EBF1: variants seen among roughly 807,000 people sequenced by gnomAD.
EBF1 encodes transcription factor COE1.
A neutral mutation model predicts 68.4 loss-of-function variants in EBF1; 10 were observed. The observed-to-expected ratio is 0.15, with a 90% CI of 0.09 to 0.25. The LOEUF is 0.25. Among genes scored for constraint, EBF1 ranks in the 10% least tolerant of loss-of-function variants. The pLI, the probability that EBF1 is intolerant of heterozygous loss-of-function variation, is 1.00. For synonymous variants in EBF1, 298 were observed against 299.8 expected (o/e 0.99, Z 0.06); for missense variants, 509 against 794.4 (o/e 0.64, Z 4.32).
At chr5:158,850,038 G>A (rs534825105) in intron 6 of EBF1, among the ~76,000 whole-genome samples, 88 of 152,250 alleles carry the variant, frequency 5.8e-4, no homozygotes, top group African/African-American at 1.9e-3. Flanking sequence ...AGTATCAACT[G>A]GGAAGGCTCC....
intron 6 of EBF1, among the ~76,000 whole-genome samples, chr5:158,875,483 A>G (rs1797661726): frequency 6.6e-6 from 1 of 152,214 alleles, no homozygotes; most frequent in South Asian, 2.1e-4. Context: ...TTAGTCCTTG[A>G]GGAATACCTG....
chr5:158,759,945 C>A, intron 10 of EBF1, among the ~76,000 whole-genome samples: 1 of 132,748 alleles, frequency 7.5e-6, no homozygotes, highest in East Asian at 2.3e-4. Context: ...AATAATGTGA[C>A]AACAAAATAT....
At chr5:158,951,666 G>T (rs1168169028) in intron 6 of EBF1, among the ~76,000 whole-genome samples, 2 of 152,208 alleles carry the variant, frequency 1.3e-5, no homozygotes, top group Non-Finnish European at 1.5e-5. Context: ...CTGCCACACA[G>T]CTCACTGCCT....
At chr5:158,788,070 T>G (rs1777818959) in intron 9 of EBF1, among the ~76,000 whole-genome samples, 1 of 152,148 alleles carries the variant, frequency 6.6e-6, no homozygotes, top group Non-Finnish European at 1.5e-5. Context: ...TCAACAAATT[T>G]TCACTAATGC....
intron 8 of EBF1, among the ~76,000 whole-genome samples, chr5:158,816,036 C>T (rs914776890): frequency 2.6e-5 from 4 of 152,150 alleles, no homozygotes; most frequent in African/African-American, 9.7e-5. Context: ...TTGTAACATG[C>T]CACCCTCAGT....
intron 6 of EBF1, among the ~76,000 whole-genome samples, chr5:159,026,510 C>T (rs983489659): frequency 6.6e-6 from 1 of 152,078 alleles, no homozygotes; most frequent in African/African-American, 2.4e-5. Flanking sequence ...ATTAGCAATG[C>T]TGGGAAAACT....
At chr5:159,084,040 T>C (rs887663079) in intron 5 of EBF1, among the ~76,000 whole-genome samples, 1 of 152,156 alleles carries the variant, frequency 6.6e-6, no homozygotes, top group Non-Finnish European at 1.5e-5. Flanking sequence ...CATCTATGGG[T>C]CACATGAATT....
chr5:158,763,717 T>C (rs952989928), intron 10 of EBF1, among the ~76,000 whole-genome samples: 3 of 152,206 alleles, frequency 2.0e-5, no homozygotes, highest in Admixed American at 1.3e-4. Context: ...TGTTTGTTGA[T>C]TGATTTTCAT....
rs1397869559 is a variant in EBF1, at chr5:159,008,683, G to A, written c.554+64713C>T. 3.3e-5 allele frequency among the ~76,000 whole-genome samples: 5 copies of A among 151,758 alleles called. No individual in the cohort carries two copies. In the East Asian group the frequency reaches 5.8e-4, roughly 18 times the overall value. ...TGGGATTCTAGGTATGCACCACCACGCCCGGCTAATTTTTTTGTTGTTGTT... is the reference window on the plus strand; with the variant it reads ...TGGGATTCTAGGTATGCACCACCACACCCGGCTAATTTTTTTGTTGTTGTT... On this transcript the variant is annotated intron_variant, in intron 6 of 15. Coordinates refer to ENST00000313708, the MANE Select transcript of EBF1 (RefSeq NM_024007.5).
At chr5:158,746,796 G>A (rs1767685515) in intron 10 of EBF1, among the ~76,000 whole-genome samples, 1 of 152,158 alleles carries the variant, frequency 6.6e-6, no homozygotes, top group Non-Finnish European at 1.5e-5. Flanking sequence ...TATTGTTGCT[G>A]GCTTTTTCAG....
rs1783183349 is a variant in EBF1, at chr5:158,813,907, T to C, written c.778+9269A>G. 2.0e-5 allele frequency among the ~76,000 whole-genome samples: 3 copies of C among 152,328 alleles called. No homozygotes were observed. In the East Asian group the frequency reaches 5.8e-4, roughly 29 times the overall value. On this transcript the variant is annotated intron_variant, in intron 8 of 15. Coordinates refer to ENST00000313708, the MANE Select transcript of EBF1 (RefSeq NM_024007.5). ...AGCTTCCACTTGCCCATAAACATCA[T>C]TTGAAGCCTCTGAAATTCTCAAGTG... is the stretch of plus-strand genomic sequence containing the variant.
chr5:158,819,097 A>G (rs1784323564), intron 8 of EBF1, among the ~76,000 whole-genome samples: 1 of 152,202 alleles, frequency 6.6e-6, no homozygotes, highest in Non-Finnish European at 1.5e-5. Context: ...GAAGGGAAAG[A>G]AAAAGAAGAG....
rs527534362 is a variant in EBF1 at position 159,084,293 on chromosome 5, C to G, written c.485+373G>C. 5.9e-5 allele frequency among the ~76,000 whole-genome samples: 9 copies of G among 152,242 alleles called. No individual in the cohort carries two copies. The East Asian group carries it at 1.7e-3, about 29-fold the overall frequency. On this transcript the variant is annotated intron_variant, in intron 5 of 15. Transcript: ENST00000313708. ...AGTCTTACCCAAACAGAAGACTCTG[C>G]TGACATCAATAGAACTCTTACTCAT... is the stretch of plus-strand genomic sequence containing the variant.
At chr5:158,912,371 A>G (rs1166631484) in intron 6 of EBF1, among the ~76,000 whole-genome samples, 1 of 152,240 alleles carries the variant, frequency 6.6e-6, no homozygotes, top group Non-Finnish European at 1.5e-5. Flanking sequence ...GCATAGGTGC[A>G]GTCTTGAACT....
intron 6 of EBF1, among the ~76,000 whole-genome samples, chr5:158,869,767 C>CACTG (rs1796562042): frequency 6.6e-6 from 1 of 152,150 alleles, no homozygotes; most frequent in Non-Finnish European, 1.5e-5. Context: ...ATCTTGTGAA[C>CACTG]ACTGGAAAGA....
At chr5:158,819,139 T>TA (rs968466740) in intron 8 of EBF1, among the ~76,000 whole-genome samples, 13 of 151,968 alleles carry the variant, frequency 8.6e-5, no homozygotes, top group African/African-American at 3.1e-4. Context: ...CACACCAAAA[T>TA]AAAAAAATAC....
chr5:158,883,013 A>G (rs1318651963), intron 6 of EBF1, among the ~76,000 whole-genome samples: 1 of 151,824 alleles, frequency 6.6e-6, no homozygotes, highest in African/African-American at 2.4e-5. Flanking sequence ...TTGTTTTACT[A>G]TTTCTTTATG....
chr5:158,739,844 C>T (rs970822917), intron 10 of EBF1, among the ~76,000 whole-genome samples: 18 of 152,130 alleles, frequency 1.2e-4, no homozygotes, highest in African/African-American at 3.4e-4. Flanking sequence ...TTCTTATATC[C>T]CCACCCCAGC....
intron 6 of EBF1, among the ~76,000 whole-genome samples, chr5:158,960,502 T>C (rs1172858444): frequency 2.0e-5 from 3 of 152,180 alleles, no homozygotes; most frequent in Non-Finnish European, 4.4e-5. Context: ...GACTTAAGTA[T>C]ATTAAAATTG....
Sources: allele counts gnomAD v4.1 joint callset (sites outside exome capture counted in the v4.1 genomes callset), GRCh38; gene constraint gnomAD v4.1.1; transcripts MANE v1.5; gene names NCBI Gene and HGNC (gene_info 2026-07-23, HGNC 2026-07-21).